The following PDCD4 variants were observed in gnomAD, a reference collection of about 807,000 sequenced individuals.
PDCD4 encodes the protein programmed cell death 4, also known as programmed cell death protein 4.
A neutral mutation model predicts 54.0 loss-of-function variants in PDCD4; 56 were observed. The observed-to-expected ratio is 1.04, with a 90% confidence interval of 0.84 to 1.30. The LOEUF (loss-of-function observed/expected upper bound fraction) is 1.30. Among genes scored for constraint, PDCD4 ranks in the 50% most tolerant of loss-of-function variants. PDCD4 has a pLI of 0.00. For missense variants in PDCD4, 584 were observed against 559.8 expected (o/e 1.04, Z -0.44); for synonymous variants, 186 against 194.8 (o/e 0.95, Z 0.37).
At chr10:110,890,078 A>G (rs1262787947) in intron 7 of PDCD4, among the ~76,000 whole-genome samples, 6 of 152,230 alleles carry the variant, frequency 3.9e-5, no homozygotes, top group Non-Finnish European at 8.8e-5. Flanking sequence ...GTGATTTAGT[A>G]TAATTAATAT....
At chr10:110,895,887 G>A (rs750452878) in intron 10 of PDCD4, 61 bp from the exon 11 acceptor site, 225 of 1,262,382 alleles carry the variant, frequency 1.8e-4, no homozygotes, top group Non-Finnish European at 2.2e-4. Flanking sequence ...GTGATGGATT[G>A]TGTTTTATGA....
chr10:110,875,063 A>C (rs1845480746), intron 1 of PDCD4, among the ~76,000 whole-genome samples: 1 of 152,154 alleles, frequency 6.6e-6, no homozygotes, highest in South Asian at 2.1e-4. Context: ...CCACTATTTA[A>C]AAAATACTTC....
At chr10:110,886,776 C>T (rs998843260) in intron 5 of PDCD4, among the ~76,000 whole-genome samples, 4 of 152,064 alleles carry the variant, frequency 2.6e-5, no homozygotes, top group Non-Finnish European at 5.9e-5. Flanking sequence ...ATGCCTGATA[C>T]ATTAGTCAAT....
Position 110,886,252 on chromosome 10 carries a change from T to A in PDCD4, c.555+886T>A, listed in dbSNP as rs115368084. Reference sequence around the variant, plus strand: ...GAGGGCAGGGACTGTTGAAATCTTGTTAATCTACCTAGCATAAGATCAATT... The same window carrying A: ...GAGGGCAGGGACTGTTGAAATCTTGATAATCTACCTAGCATAAGATCAATT... On this transcript the variant is annotated intron_variant, in intron 5 of 11. Coordinates refer to ENST00000280154, the MANE Select transcript of PDCD4 (RefSeq NM_014456.5). Among the ~76,000 whole-genome samples the A allele has an allele frequency of 1.7e-3, 252 of 152,338 alleles. 1 individual carries two copies. Among genetic ancestry groups the A allele is most frequent in the African/African-American group, 5.8e-3 (241 of 41,592 alleles).
chr10:110,883,568 A>G (rs1052837723), intron 4 of PDCD4, among the ~76,000 whole-genome samples: 7 of 152,116 alleles, frequency 4.6e-5, no homozygotes, highest in African/African-American at 1.4e-4. Context: ...TTAAAGTAGA[A>G]TAGTATAATC....
chr10:110,895,027 A>T (rs1430593761), intron 10 of PDCD4, among the ~76,000 whole-genome samples: 4 of 151,928 alleles, frequency 2.6e-5, no homozygotes, highest in Non-Finnish European at 2.9e-5. Context: ...AACAGTATTT[A>T]AAAAAAATTT....
At chr10:110,889,075 C>G (rs997757627) in intron 6 of PDCD4, among the ~76,000 whole-genome samples, 1 of 151,784 alleles carries the variant, frequency 6.6e-6, no homozygotes, top group Admixed American at 6.6e-5. Flanking sequence ...ACTAGAAATA[C>G]AAAAATTAGC....
At chr10:110,894,925 A>AT (rs1204864325) in intron 10 of PDCD4, among the ~76,000 whole-genome samples, 1 of 151,744 alleles carries the variant, frequency 6.6e-6, no homozygotes, top group Non-Finnish European at 1.5e-5. Context: ...TTTGCCTTGT[A>AT]TTTTTTTAAA....
At chr10:110,884,712 G>C (rs1189042399) in intron 4 of PDCD4, 1 of 152,052 alleles carries the variant, frequency 6.6e-6, no homozygotes, top group African/African-American at 2.4e-5. Context: ...TTATGTATTT[G>C]CTGTGGTTAA....
chr10:110,890,457 A>C, intron 7 of PDCD4, 99 bp from the exon 8 acceptor site: 1 of 508,460 alleles, frequency 2.0e-6, no homozygotes. Context: ...TGTTATGTGA[A>C]AGATTTAGGG....
At chr10:110,885,578 T>C (rs543255958) in intron 5 of PDCD4, among the ~76,000 whole-genome samples, 2 of 152,094 alleles carry the variant, frequency 1.3e-5, no homozygotes, top group South Asian at 4.1e-4. Flanking sequence ...TTTTGTTCTC[T>C]GAAAAATGAC....
intron 11 of PDCD4, 110 bp from the exon 12 acceptor site, chr10:110,897,918 C>T: frequency 1.7e-6 from 1 of 596,204 alleles, no homozygotes; most frequent in South Asian, 3.2e-5. Context: ...ATGGAAAACC[C>T]TTTAAAAGCT....
intron 10 of PDCD4, among the ~76,000 whole-genome samples, chr10:110,895,468 T>G (rs1845817646): frequency 6.6e-6 from 1 of 152,194 alleles, no homozygotes. Context: ...ATTTTCTTTG[T>G]CTAATCCACC....
chr10:110,884,640 TG>T (rs1455091816), intron 4 of PDCD4: 1 of 152,068 alleles, frequency 6.6e-6, no homozygotes, highest in Non-Finnish European at 1.5e-5. Flanking sequence ...AGATTGGTTT[TG>T]AGAGAGACAT....
rs117341854 is a variant in PDCD4, at chr10:110,896,349, G to T, written c.1349+262G>T. Among the ~76,000 whole-genome samples the T allele has an allele frequency of 3.0e-3, 456 of 152,264 alleles. 3 individuals carry two copies. Among genetic ancestry groups the T allele is most frequent in the Non-Finnish European group, 4.0e-3 (271 of 68,014 alleles). On this transcript the variant is annotated intron_variant, in intron 11 of 11. Coordinates refer to ENST00000280154, the MANE Select transcript of PDCD4 (RefSeq NM_014456.5). ...TAAGTAGTTTCAGTGTTTAGAGTAG[G>T]TATTATCAGTGATAAGATGAGAAAA...
chr10:110,880,355 G>C (rs961687842), intron 2 of PDCD4: 2 of 152,212 alleles, frequency 1.3e-5, no homozygotes, highest in African/African-American at 4.8e-5. Flanking sequence ...CAGGGAGTAA[G>C]ACTTGGGCTA....
At chr10:110,892,734 A>G (rs1206412017) in intron 8 of PDCD4, among the ~76,000 whole-genome samples, 2 of 152,162 alleles carry the variant, frequency 1.3e-5, no homozygotes, top group African/African-American at 2.4e-5. Context: ...TTATTTTTTC[A>G]TAAATTTAAT....
At chr10:110,880,486 G>C (rs1216327864) in intron 2 of PDCD4, 2 of 152,202 alleles carry the variant, frequency 1.3e-5, no homozygotes, top group East Asian at 3.8e-4. Flanking sequence ...TTACAGGATG[G>C]TAAGTAATAG....
intron 10 of PDCD4, among the ~76,000 whole-genome samples, chr10:110,895,522 A>G (rs772725022): frequency 1.3e-5 from 2 of 152,154 alleles, no homozygotes; most frequent in Non-Finnish European, 2.9e-5. Context: ...GCTGTTGTGA[A>G]TAGTACCCGA....
Sources: gnomAD v4.1 joint callset for allele counts (sites outside exome capture counted in the v4.1 genomes callset) on GRCh38, gnomAD v4.1.1 for gene constraint, MANE v1.5 for transcripts, NCBI Gene and HGNC (gene_info 2026-07-23, HGNC 2026-07-21) for gene names.